The following ZNF469 variants were observed in gnomAD, a reference collection of about 807,000 sequenced individuals.
ZNF469 encodes zinc finger protein 469.
In ZNF469, 1 loss-of-function variant was observed where a neutral mutation model predicts 1.0. That is an observed-to-expected ratio of 1.00 (90% CI 0.35 to 4.73). The LOEUF (loss-of-function observed/expected upper bound fraction) is 4.73. ZNF469 is among the 30% of genes most tolerant of loss of function. The pLI is 0.16. For missense variants in ZNF469, 6,100 were observed against 5,356.3 expected, an observed-to-expected ratio of 1.14 and a Z score of -4.33; for synonymous variants, 2,703 against 2,363.4, an observed-to-expected ratio of 1.14 and a Z score of -4.17.
chr16:88,118,797 A>G, the ZNF469 span, among the ~76,000 whole-genome samples: 3 of 152,236 alleles, frequency 2.0e-5, no homozygotes, highest in Non-Finnish European at 4.4e-5. Context: ...CACCAGTAAG[A>G]TGTTTCCGGC....
intron 1 of ZNF469, among the ~76,000 whole-genome samples, chr16:88,394,984 G>C (rs1904612862): frequency 6.6e-6 from 1 of 152,206 alleles, no homozygotes; most frequent in South Asian, 2.1e-4. Flanking sequence ...GCCCCCATCA[G>C]CCTCTCCACT....
rs997748968 is a variant in ZNF469 at position 88,429,379 on chromosome 16, C to T, written c.1909C>T (p.Pro637Ser). Reference protein sequence around the residue: ...GPLGPSAFFHPPTHPQETGSP... With the variant: ...GPLGPSAFFHSPTHPQETGSP... ...CCTCGGGCCCTCGGCCTTCTTCCAC[C>T]CACCCACTCACCCCCAGGAGACGGG... The change falls in exon 3 of 3, where the codon CCA becomes TCA. Residue 637 changes from proline (P) to serine (S), a missense_variant. Transcript: ENST00000565624. 26 of 1,549,716 alleles carry T rather than the reference C, an allele frequency of 1.7e-5. No individual in the cohort carries two copies. In the Admixed American group the frequency reaches 3.5e-4, roughly 21 times the overall value.
At chr16:88,116,583 G>A in the ZNF469 span, among the ~76,000 whole-genome samples, 3 of 152,214 alleles carry the variant, frequency 2.0e-5, no homozygotes, top group African/African-American at 7.2e-5. Context: ...AGAACGTGGA[G>A]ACAACCCAAG....
the ZNF469 span, among the ~76,000 whole-genome samples, chr16:88,320,228 C>T: frequency 3.3e-5 from 5 of 152,300 alleles, no homozygotes; most frequent in South Asian, 2.1e-4. Context: ...TAGGGAGACT[C>T]GGGGTTTTAA....
At chr16:88,152,948 A>C in the ZNF469 span, among the ~76,000 whole-genome samples, 1 of 152,068 alleles carries the variant, frequency 6.6e-6, no homozygotes, top group Non-Finnish European at 1.5e-5. This position sits in a 1 kb window ranked among gnomAD's most constrained non-coding sequence, Gnocchi z 4.2. Context: ...CCTCCACCTC[A>C]CTGGCCGTGA....
chr16:88,429,452 A>G lies in ZNF469; in HGVS notation c.1982A>G (p.Tyr661Cys), dbSNP rs886052394. 2 of 1,525,622 alleles carry G rather than the reference A, an allele frequency of 1.3e-6. No individual in the cohort carries two copies. The highest frequency in any genetic ancestry group is 1.8e-6 in the Non-Finnish European group (2 of 1,136,772). The allele number at this position is 1,525,622 out of a possible 1,614,324, so 94.5% of individuals were successfully genotyped here. Residue 661 changes from tyrosine to cysteine, a missense_variant, in exon 3 of 3, where the codon TAC (tyrosine) becomes TGC (cysteine). Tyr to Cys is a radical substitution (Grantham distance 194). Coordinates refer to ENST00000565624, the MANE Select transcript of ZNF469 (RefSeq NM_001367624.2). ...PEPPHSLPTH[Y>C]QPEPAKAFPF... is the part of the protein sequence containing the mutation. Reference sequence around the variant, plus strand: ...CCCCCCCACTCCCTCCCCACCCACTACCAGCCAGAGCCAGCCAAGGCCTTC... The same window carrying G: ...CCCCCCCACTCCCTCCCCACCCACTGCCAGCCAGAGCCAGCCAAGGCCTTC...
At chr16:88,285,241 G>A in the ZNF469 span, among the ~76,000 whole-genome samples, 3 of 152,258 alleles carry the variant, frequency 2.0e-5, no homozygotes, top group East Asian at 1.9e-4. Context: ...CATCAGCCCC[G>A]CCTCCCGCAA....
At chr16:88,319,636 C>A in the ZNF469 span, among the ~76,000 whole-genome samples, 7 of 152,274 alleles carry the variant, frequency 4.6e-5, no homozygotes, top group East Asian at 9.6e-4. Flanking sequence ...CCCTTCTCCT[C>A]CCCATCCACC....
At chr16:88,110,771 G>A in the ZNF469 span, among the ~76,000 whole-genome samples, 5 of 152,254 alleles carry the variant, frequency 3.3e-5, no homozygotes, top group Non-Finnish European at 5.9e-5. Flanking sequence ...AGTGCTGTGC[G>A]GGTTGGGCAG....
chr16:88,147,153 C>T, the ZNF469 span, among the ~76,000 whole-genome samples: 1 of 152,000 alleles, frequency 6.6e-6, no homozygotes, highest in African/African-American at 2.4e-5. Flanking sequence ...GGCAGAAGGA[C>T]GAGGCCACGG....
chr16:88,349,699 A>G, the ZNF469 span, among the ~76,000 whole-genome samples: 13 of 64,024 alleles, frequency 2.0e-4, no homozygotes, highest in South Asian at 3.6e-3. Context: ...AGCACAATAC[A>G]CACACCACAC....
the ZNF469 span, among the ~76,000 whole-genome samples, chr16:88,164,154 A>G: frequency 1.4e-5 from 2 of 148,056 alleles, no homozygotes; most frequent in East Asian, 4.4e-4. Context: ...GGATGGGTAG[A>G]TAGATGAATG....
At chr16:88,256,896 T>TCTCTCTCTCTCTCTCTCTCTC in the ZNF469 span, among the ~76,000 whole-genome samples, 14 of 27,148 alleles carry the variant, frequency 5.2e-4, 1 homozygote, top group South Asian at 1.3e-3. Context: ...TTTTCTTTCC[T>TCTCTCTCTCTCTCTCTCTCTC]TCTTTCTTTC....
chr16:88,406,892 C>T (rs774329732), intron 1 of ZNF469, among the ~76,000 whole-genome samples: 31 of 152,228 alleles, frequency 2.0e-4, no homozygotes, highest in South Asian at 8.3e-4. Flanking sequence ...TTCCCCCTAG[C>T]GGCTGTTCAG....
chr16:88,170,047 C>T, the ZNF469 span, among the ~76,000 whole-genome samples: 39 of 152,198 alleles, frequency 2.6e-4, no homozygotes, highest in Admixed American at 7.2e-4. This position sits in a 1 kb window ranked among gnomAD's most constrained non-coding sequence, Gnocchi z 4.2. Flanking sequence ...GACAGAGCAC[C>T]CGAGTCCCGC....
chr16:88,380,637 AC>A (rs2092519917), upstream of ZNF469, among the ~76,000 whole-genome samples: 1 of 142,664 alleles, frequency 7.0e-6, no homozygotes, highest in Admixed American at 7.0e-5. Context: ...GCGCTCACAC[AC>A]ATGCACTCAT....
At chr16:88,164,819 C>T in the ZNF469 span, among the ~76,000 whole-genome samples, 1 of 152,130 alleles carries the variant, frequency 6.6e-6, no homozygotes, top group Non-Finnish European at 1.5e-5. Context: ...TGCAGTATCC[C>T]CTGTGACTGA....
At chr16:88,207,540 C>T in the ZNF469 span, among the ~76,000 whole-genome samples, 6 of 148,424 alleles carry the variant, frequency 4.0e-5, no homozygotes, top group Non-Finnish European at 7.5e-5. Flanking sequence ...GCTCTGGGTG[C>T]CTGTGGCTGC....
chr16:88,214,322 T>C, the ZNF469 span, among the ~76,000 whole-genome samples: 1 of 152,154 alleles, frequency 6.6e-6, no homozygotes, highest in Non-Finnish European at 1.5e-5. Flanking sequence ...ATGTTCTCCA[T>C]GTGAGGGCTG....
Sources: gnomAD v4.1 joint callset for allele counts (sites outside exome capture counted in the v4.1 genomes callset) on GRCh38, gnomAD v4.1.1 for gene constraint, Gnocchi (gnomAD v3.1) non-coding constraint, MANE v1.5 for transcripts, NCBI Gene and HGNC (gene_info 2026-07-23, HGNC 2026-07-21) for gene names.